The following LHCGR variants were observed in gnomAD, a reference collection of about 807,000 sequenced individuals.
The protein encoded by LHCGR is lutropin-choriogonadotropic hormone receptor.
LHCGR carries 55 observed loss-of-function variants against 60.7 expected under a neutral mutation model. That is an observed-to-expected ratio of 0.91 (90% CI 0.73 to 1.13). The LOEUF is 1.13. LHCGR is among the 50% of genes most tolerant of loss of function. The pLI is 0.00. For missense variants in LHCGR, 862 were observed against 836.0 expected (o/e 1.03, Z -0.38); for synonymous variants, 337 against 316.5 (o/e 1.06, Z -0.69).
chr2:48,741,949 G>C (rs371284916), intron 1 of LHCGR, among the ~76,000 whole-genome samples: 1,583 of 152,082 alleles, frequency 0.01, 19 homozygotes, highest in Non-Finnish European at 0.018. Context: ...GGAAACCCAT[G>C]TCACGTGCAG....
intron 1 of LHCGR, chr2:48,732,912 C>T (rs188540939): frequency 1.1e-4 from 59 of 534,494 alleles, no homozygotes; most frequent in Non-Finnish European, 2.0e-4. Flanking sequence ...AGAAGGACAT[C>T]GTTTAACACC....
intron 1 of LHCGR, among the ~76,000 whole-genome samples, chr2:48,750,446 T>G (rs1200023267): frequency 6.6e-6 from 1 of 152,252 alleles, no homozygotes; most frequent in African/African-American, 2.4e-5. Flanking sequence ...GAAGTTGATA[T>G]GTCTGCTATT....
chr2:48,728,459 A>G (rs1014754033), intron 3 of LHCGR, among the ~76,000 whole-genome samples: 2 of 152,184 alleles, frequency 1.3e-5, no homozygotes, highest in African/African-American at 4.8e-5. Flanking sequence ...GAGTAAAAGC[A>G]GCAGTAGGGG....
At chr2:48,749,625 A>C (rs777502846) in intron 1 of LHCGR, among the ~76,000 whole-genome samples, 3 of 152,106 alleles carry the variant, frequency 2.0e-5, no homozygotes, top group Non-Finnish European at 4.4e-5. Context: ...TCAAGACATG[A>C]AAAGAAGCCA....
At chr2:48,747,719 C>G (rs1669774601) in intron 1 of LHCGR, among the ~76,000 whole-genome samples, 1 of 151,940 alleles carries the variant, frequency 6.6e-6, no homozygotes, top group African/African-American at 2.4e-5. Flanking sequence ...CAGATATTCT[C>G]CTTACATCTT....
intron 6 of LHCGR, chr2:48,719,956 G>A (rs1360147913): frequency 1.3e-5 from 2 of 152,140 alleles, no homozygotes; most frequent in Non-Finnish European, 2.9e-5. Flanking sequence ...ATTCAGCAGA[G>A]AACAAGTGCC....
intron 7 of LHCGR, among the ~76,000 whole-genome samples, chr2:48,713,000 T>TA (rs1467000485): frequency 3.3e-5 from 5 of 152,198 alleles, no homozygotes; most frequent in Non-Finnish European, 5.9e-5. Context: ...AGAATTTTGC[T>TA]ACCCAACATT....
chr2:48,713,880 A>G (rs1668113122), intron 7 of LHCGR, 106 bp downstream of exon 7: 2 of 910,350 alleles, frequency 2.2e-6, no homozygotes, highest in Non-Finnish European at 3.6e-6. Flanking sequence ...AGCCACTTGA[A>G]AGTTTATTTT....
chr2:48,689,109 A>G (rs924281065), intron 10 of LHCGR, among the ~76,000 whole-genome samples: 1 of 150,942 alleles, frequency 6.6e-6, no homozygotes, highest in African/African-American at 2.4e-5. Flanking sequence ...ATATATACAC[A>G]TATATACATA....
At chr2:48,704,622 G>T (rs1456724815) in intron 8 of LHCGR, among the ~76,000 whole-genome samples, 1 of 152,140 alleles carries the variant, frequency 6.6e-6, no homozygotes, top group Non-Finnish European at 1.5e-5. Flanking sequence ...TCTTGGGAGG[G>T]TGTATGTGTC....
rs377265035 is a variant in LHCGR, at chr2:48,725,713, G to C, written c.346C>G (p.Pro116Ala). Residue 116 changes from proline to alanine, a missense_variant, in exon 4 of 11, where the codon CCC becomes GCC. Transcript: ENST00000294954. ...CGGGGAAGATTTATAAATGCTCCGG[G>C]CTCAATGTATCTCAGATTTTTGGTG... ...QNTKNLRYIE[P>A]GAFINLPRLK... 11 of 1,613,430 alleles carry C rather than the reference G, an allele frequency of 6.8e-6. No homozygotes were observed. The East Asian group carries it at 2.5e-4, about 36-fold the overall frequency.
intron 6 of LHCGR, 126 bp downstream of exon 6, chr2:48,723,330 T>C: frequency 4.0e-6 from 3 of 752,596 alleles, no homozygotes; most frequent in Admixed American, 4.0e-5. Flanking sequence ...CTTAGCATTT[T>C]AGGTTAAGAA....
intron 3 of LHCGR, among the ~76,000 whole-genome samples, chr2:48,726,014 C>T (rs925841140): frequency 3.3e-5 from 5 of 152,090 alleles, no homozygotes; most frequent in Non-Finnish European, 7.4e-5. Context: ...TCTCTGCACC[C>T]TCCCACCCCT....
At chr2:48,690,158 C>G (rs73928208) in intron 10 of LHCGR, among the ~76,000 whole-genome samples, 71 of 152,290 alleles carry the variant, frequency 4.7e-4, no homozygotes, top group Middle Eastern at 3.4e-3. Context: ...TTATCGAATT[C>G]AAACCTGCCC....
Position 48,698,740 on chromosome 2 carries a change from C to T in LHCGR, c.741G>A (p.Arg247=). ...GAGAATAGGATGACGTGGCAATTAG[C>T]CTCTGAATGGACTCTAGGCCATAGC... ...LPSYGLESIQ[R]LIATSSYSLK... The change falls in exon 9 of 11, where the codon AGG becomes AGA. Residue 247 remains arginine, a synonymous_variant. Coordinates refer to ENST00000294954, the MANE Select transcript of LHCGR (RefSeq NM_000233.4). 3.1e-6 allele frequency: 5 copies of T among 1,614,120 alleles called. No homozygotes were observed. Among genetic ancestry groups the T allele is most frequent in the East Asian group, 2.2e-5 (1 of 44,892 alleles).
At chr2:48,732,966 G>A (rs1205618763) in intron 1 of LHCGR, 5 of 533,186 alleles carry the variant, frequency 9.4e-6, no homozygotes, top group Non-Finnish European at 1.9e-5. Flanking sequence ...GGGACAGTGT[G>A]GGAAGAAATC....
chr2:48,722,022 C>A (rs763958372), intron 6 of LHCGR, among the ~76,000 whole-genome samples: 2 of 152,112 alleles, frequency 1.3e-5, no homozygotes, highest in Non-Finnish European at 2.9e-5. Context: ...TGGTGGCACA[C>A]GCCTGTAGTC....
intron 10 of LHCGR, among the ~76,000 whole-genome samples, chr2:48,691,679 C>G (rs1164539785): frequency 1.3e-5 from 2 of 152,058 alleles, no homozygotes; most frequent in South Asian, 2.1e-4. Flanking sequence ...AACCCTGTCT[C>G]TACTAAAAAT....
chr2:48,687,656 G>C lies in LHCGR; in HGVS notation c.*41C>G, dbSNP rs772028497. 1.3e-6 allele frequency: 2 copies of C among 1,529,414 alleles called. No individual in the cohort carries two copies. The highest frequency in any genetic ancestry group is 1.4e-5 in the African/African-American group (1 of 73,026). The allele number at this position is 1,529,414 out of a possible 1,614,324, so 94.7% of individuals were successfully genotyped here. ...CTGGTACAGGTAATTTTTTTTTACA[G>C]GTTTAAGAACAATTCAATAATGCAG... On this transcript the variant is annotated 3_prime_UTR_variant, in exon 11 of 11. Transcript: ENST00000294954.
Sources: gnomAD v4.1 joint callset for allele counts (sites outside exome capture counted in the v4.1 genomes callset) on GRCh38, gnomAD v4.1.1 for gene constraint, MANE v1.5 for transcripts, NCBI Gene and HGNC (gene_info 2026-07-23, HGNC 2026-07-21) for gene names.